MPPED2: variants seen among roughly 807,000 people sequenced by gnomAD.
The protein encoded by MPPED2 is metallophosphoesterase MPPED2.
A neutral mutation model predicts 33.0 loss-of-function variants in MPPED2; 5 were observed. The observed-to-expected ratio is 0.15, with a 90% CI of 0.08 to 0.32. The LOEUF (loss-of-function observed/expected upper bound fraction) is 0.32. MPPED2 is among the 10% of genes least tolerant of loss of function. The pLI is 1.00. For synonymous variants in MPPED2, 136 were observed against 141.9 expected (o/e 0.96, Z 0.29); for missense variants, 275 against 372.1 (o/e 0.74, Z 2.15).
At chr11:30,395,946 C>T (rs763168118) in intron 6 of MPPED2, among the ~76,000 whole-genome samples, 40 of 152,090 alleles carry the variant, frequency 2.6e-4, no homozygotes, top group Non-Finnish European at 4.9e-4. Context: ...CGCAGATAAT[C>T]GTCATAAATT....
At position 30,413,079 on chromosome 11, in the gene MPPED2, G is replaced by GAGCT. The variant is rs371695646; in HGVS notation, c.766+1145_766+1148dup. ...GGGCAGGCCGATATCCACTCTCTGG[G>GAGCT]AGCTGCACCCTGCTTTCCACCCACT... On this transcript the variant is annotated intron_variant, in intron 6 of 6. Coordinates refer to ENST00000358117, the MANE Select transcript of MPPED2 (RefSeq NM_001584.3). Among the ~76,000 whole-genome samples the GAGCT allele has an allele frequency of 4.0e-3, 609 of 152,274 alleles. 5 individuals carry two copies. Among genetic ancestry groups the GAGCT allele is most frequent in the African/African-American group, 0.014 (589 of 41,558 alleles).
chr11:30,512,925 G>C (rs1007180309), intron 3 of MPPED2, among the ~76,000 whole-genome samples: 2 of 151,912 alleles, frequency 1.3e-5, no homozygotes, highest in African/African-American at 4.8e-5. Flanking sequence ...AGCTTGAATC[G>C]GGGGGCAGAG....
At chr11:30,440,882 A>G (rs1949542211) in intron 4 of MPPED2, among the ~76,000 whole-genome samples, 1 of 152,208 alleles carries the variant, frequency 6.6e-6, no homozygotes. Flanking sequence ...TGTTTCCCAA[A>G]GTGTGTTCTG....
At chr11:30,470,964 G>A (rs1323156915) in intron 4 of MPPED2, among the ~76,000 whole-genome samples, 1 of 152,136 alleles carries the variant, frequency 6.6e-6, no homozygotes, top group East Asian at 1.9e-4. Context: ...TAGAAAGGGT[G>A]CCCAGCTATA....
At chr11:30,415,429 T>C (rs1948303733) in intron 5 of MPPED2, among the ~76,000 whole-genome samples, 1 of 152,214 alleles carries the variant, frequency 6.6e-6, no homozygotes, top group Non-Finnish European at 1.5e-5. Context: ...TTCCATTTCA[T>C]ATGCAAACAT....
At chr11:30,455,645 T>A (rs546557509) in intron 4 of MPPED2, among the ~76,000 whole-genome samples, 1 of 152,228 alleles carries the variant, frequency 6.6e-6, no homozygotes, top group Non-Finnish European at 1.5e-5. Context: ...CCTCCCCATA[T>A]GGGATGGTAG....
intron 3 of MPPED2, among the ~76,000 whole-genome samples, chr11:30,505,253 C>T (rs537718520): frequency 1.3e-5 from 2 of 152,282 alleles, no homozygotes; most frequent in East Asian, 3.9e-4. Flanking sequence ...CAACCATGGC[C>T]TTATTCCAAC....
chr11:30,538,276 C>T (rs779073387), intron 2 of MPPED2, among the ~76,000 whole-genome samples: 2 of 152,152 alleles, frequency 1.3e-5, no homozygotes, highest in African/African-American at 4.8e-5. Context: ...TGTAACTCAG[C>T]TAAGCTACAG....
intron 2 of MPPED2, among the ~76,000 whole-genome samples, chr11:30,552,496 C>A (rs1312491231): frequency 6.6e-6 from 1 of 152,064 alleles, no homozygotes. Context: ...GGTATCTTTC[C>A]ATTTCATCTT....
chr11:30,443,513 C>T lies in MPPED2; in HGVS notation c.537-25880G>A, dbSNP rs965290218. Among the ~76,000 whole-genome samples the T allele has an allele frequency of 3.9e-5, 6 of 151,976 alleles. No individual in the cohort carries two copies. The South Asian group carries it at 6.2e-4, about 16-fold the overall frequency. ...AGGGGAGGGAGAGAAAGAGAGAAGA[C>T]GGGGCAGGGATTGCAGGTGGGAGGG... On this transcript the variant is annotated intron_variant, in intron 4 of 6. Transcript: ENST00000358117.
chr11:30,431,913 G>A (rs774248987), intron 4 of MPPED2, among the ~76,000 whole-genome samples: 2 of 152,116 alleles, frequency 1.3e-5, no homozygotes, highest in African/African-American at 2.4e-5. Context: ...GGTGGCTCAC[G>A]CCTGTAATTC....
At chr11:30,471,202 C>T (rs1253454078) in intron 4 of MPPED2, among the ~76,000 whole-genome samples, 1 of 152,222 alleles carries the variant, frequency 6.6e-6, no homozygotes, top group African/African-American at 2.4e-5. Flanking sequence ...GATGATGCTT[C>T]AAAGTAAGAT....
intron 4 of MPPED2, among the ~76,000 whole-genome samples, chr11:30,417,869 A>C (rs761422970): frequency 1.3e-4 from 20 of 152,182 alleles, no homozygotes; most frequent in Non-Finnish European, 2.9e-4. Context: ...TTTACAGTGG[A>C]GACTTTCCCA....
chr11:30,479,494 A>G (rs1269470053), intron 4 of MPPED2, among the ~76,000 whole-genome samples: 1 of 152,122 alleles, frequency 6.6e-6, no homozygotes, highest in East Asian at 1.9e-4. Context: ...TTCCCTCCCC[A>G]GCAACCAAAA....
At chr11:30,407,963 G>A (rs1466303543), downstream of MPPED2, among the ~76,000 whole-genome samples, 2 of 152,126 alleles carry the variant, frequency 1.3e-5, no homozygotes, top group Non-Finnish European at 2.9e-5. Context: ...GGAATCTAAA[G>A]ACAAAGCATG....
intron 6 of MPPED2, among the ~76,000 whole-genome samples, chr11:30,390,417 G>A (rs534834983): frequency 1.3e-5 from 2 of 152,276 alleles, no homozygotes; most frequent in East Asian, 3.9e-4. Flanking sequence ...CTCAAATGTT[G>A]ACAGCCTAAT....
intron 3 of MPPED2, among the ~76,000 whole-genome samples, chr11:30,523,877 T>C (rs1028272243): frequency 5.9e-5 from 9 of 152,002 alleles, no homozygotes; most frequent in African/African-American, 1.9e-4. Context: ...TGAGCAGAAA[T>C]TGACAGACTG....
chr11:30,407,159 T>C (rs371713550), downstream of MPPED2, among the ~76,000 whole-genome samples: 1 of 152,240 alleles, frequency 6.6e-6, no homozygotes, highest in Admixed American at 6.5e-5. Flanking sequence ...GCTGGCCACC[T>C]GTCAGAATAA....
intron 4 of MPPED2, among the ~76,000 whole-genome samples, chr11:30,449,643 T>TA (rs1337742211): frequency 2.0e-5 from 3 of 152,040 alleles, no homozygotes; most frequent in African/African-American, 7.2e-5. Context: ...CTTGTTTCAA[T>TA]AAAAAAAGAA....
Sources: gnomAD v4.1 joint callset for allele counts (sites outside exome capture counted in the v4.1 genomes callset) on GRCh38, gnomAD v4.1.1 for gene constraint, MANE v1.5 for transcripts, NCBI Gene and HGNC (gene_info 2026-07-23, HGNC 2026-07-21) for gene names.